GABRG3: variants seen among roughly 807,000 people sequenced by gnomAD.
The protein encoded by GABRG3 is gamma-aminobutyric acid type A receptor subunit gamma3, also known as gamma-aminobutyric acid receptor subunit gamma-3.
A neutral mutation model predicts 48.8 loss-of-function variants in GABRG3; 25 were observed. The ratio of observed to expected loss-of-function variants is 0.51; its 90% CI spans 0.37 to 0.72. The LOEUF (loss-of-function observed/expected upper bound fraction) is 0.72. Among genes scored for constraint, GABRG3 ranks in the 30% least tolerant of loss-of-function variants. The probability of loss-of-function intolerance (pLI) is 0.00; values close to 1 mark genes in which losing one functional copy is unlikely to be tolerated. For synonymous variants in GABRG3, 227 were observed against 217.6 expected, an observed-to-expected ratio of 1.04 and a Z score of -0.38; for missense variants, 394 against 577.9, an observed-to-expected ratio of 0.68 and a Z score of 3.26.
chr15:27,121,561 G>C (rs1214490018), intron 3 of GABRG3, among the ~76,000 whole-genome samples: 1 of 152,158 alleles, frequency 6.6e-6, no homozygotes, highest in Non-Finnish European at 1.5e-5. Context: ...GCCTGGGGCT[G>C]TTCAGCCAGC....
chr15:26,991,468 A>G (rs945531183), intron 2 of GABRG3, among the ~76,000 whole-genome samples: 3 of 152,020 alleles, frequency 2.0e-5, no homozygotes, highest in African/African-American at 7.2e-5. Flanking sequence ...GAAAACTGTC[A>G]TTGGTATTTT....
chr15:27,407,345 C>T (rs1213597019), intron 5 of GABRG3, among the ~76,000 whole-genome samples: 1 of 152,202 alleles, frequency 6.6e-6, no homozygotes, highest in Non-Finnish European at 1.5e-5. Context: ...GCAGCAGGAA[C>T]TCTCATGTAT....
chr15:27,227,855 A>G (rs955152349), intron 3 of GABRG3, among the ~76,000 whole-genome samples: 2 of 152,222 alleles, frequency 1.3e-5, no homozygotes, highest in Non-Finnish European at 2.9e-5. Flanking sequence ...CCTACCCAGC[A>G]TGTTTTTCTT....
intron 3 of GABRG3, among the ~76,000 whole-genome samples, chr15:27,194,443 G>C (rs1566961120): frequency 6.6e-6 from 1 of 152,124 alleles, no homozygotes; most frequent in Non-Finnish European, 1.5e-5. Context: ...CTCCTTAAGG[G>C]ATATTTCCTA....
chr15:27,326,732 A>T, intron 3 of GABRG3, 77 bp from the exon 4 acceptor site: 1 of 1,191,736 alleles, frequency 8.4e-7, no homozygotes, highest in Non-Finnish European at 1.2e-6. Context: ...AGAGAACACA[A>T]CGTTTGACAA....
chr15:27,215,903 A>T (rs1405192397), intron 3 of GABRG3, among the ~76,000 whole-genome samples: 1 of 152,206 alleles, frequency 6.6e-6, no homozygotes, highest in Admixed American at 6.5e-5. Flanking sequence ...ACCTATAATT[A>T]GGTGTGCAAT....
chr15:27,362,940 T>G (rs1895071015), intron 5 of GABRG3: 1 of 152,204 alleles, frequency 6.6e-6, no homozygotes, highest in Non-Finnish European at 1.5e-5. Flanking sequence ...AAAATAGCAA[T>G]TGTATTGATA....
At chr15:27,128,738 G>A (rs554656050) in intron 3 of GABRG3, among the ~76,000 whole-genome samples, 120 of 152,166 alleles carry the variant, frequency 7.9e-4, no homozygotes, top group Non-Finnish European at 1.2e-3. Context: ...TGACTTATTC[G>A]CAGAGCCCTC....
chr15:27,077,460 A>G (rs973266320), intron 3 of GABRG3, among the ~76,000 whole-genome samples: 1 of 151,738 alleles, frequency 6.6e-6, no homozygotes, highest in Non-Finnish European at 1.5e-5. Flanking sequence ...GTTCTGTTCT[A>G]TTCTGGGGTG....
Position 27,532,812 on chromosome 15 carries a change from C to G in GABRG3, c.1335C>G (p.Ser445=), listed in dbSNP as rs1029137628. The G allele has an allele frequency of 9.9e-6, 16 of 1,613,856 alleles. No individual in the cohort carries two copies. Among genetic ancestry groups the G allele is most frequent in the Non-Finnish European group, 1.4e-5 (16 of 1,179,894 alleles). ...ACATCTTGGAGCTGGACTCGTACTC[C>G]CGGGTCTTTTTCCCCACGTCCTTCC... The part of the protein sequence containing the change: ...HIDILELDSY[S]RVFFPTSFLL... Residue 445 remains serine, a synonymous_variant, in exon 10 of 10, where the codon TCC becomes TCG. Transcript: ENST00000615808.
chr15:27,490,595 C>G (rs561300721), intron 6 of GABRG3, among the ~76,000 whole-genome samples: 196 of 152,268 alleles, frequency 1.3e-3, no homozygotes, highest in African/African-American at 4.7e-3. Flanking sequence ...ATTAGATAAC[C>G]TGGGTGCGTT....
intron 3 of GABRG3, among the ~76,000 whole-genome samples, chr15:27,134,447 A>G (rs1429717967): frequency 6.6e-6 from 1 of 152,090 alleles, no homozygotes; most frequent in Non-Finnish European, 1.5e-5. Context: ...GTTCAAGATG[A>G]CCACCATGGT....
chr15:27,004,903 C>G (rs1269750277), intron 2 of GABRG3, among the ~76,000 whole-genome samples: 1 of 152,118 alleles, frequency 6.6e-6, no homozygotes, highest in Non-Finnish European at 1.5e-5. Context: ...CTGGGCTGGA[C>G]ATACCTAATA....
intron 3 of GABRG3, among the ~76,000 whole-genome samples, chr15:27,064,402 C>T (rs1187163353): frequency 1.3e-5 from 2 of 152,168 alleles, no homozygotes; most frequent in Non-Finnish European, 2.9e-5. Context: ...TGCAGCGTTT[C>T]TGACCCTTCT....
At position 27,301,682 on chromosome 15, in the gene GABRG3, AAAACAAAACAAAAAC is replaced by A. The variant is rs571814588; in HGVS notation, c.271-25119_271-25105del. ...TTTATTTAAAAATATAAAACAGTTA[AAAACAAAACAAAAAC>A]AAACAAAGAAGAAAACTCCCAAACT... On this transcript the variant is annotated intron_variant, in intron 3 of 9. Coordinates refer to ENST00000615808, the MANE Select transcript of GABRG3 (RefSeq NM_033223.5). Among the ~76,000 whole-genome samples the A allele has an allele frequency of 6.2e-4, 94 of 152,072 alleles. 1 individual carries two copies. The highest frequency in any genetic ancestry group is 2.2e-3 in the African/African-American group (91 of 41,448).
chr15:26,986,962 A>G (rs901868107), intron 2 of GABRG3, among the ~76,000 whole-genome samples: 12 of 152,198 alleles, frequency 7.9e-5, no homozygotes, highest in African/African-American at 2.7e-4. Context: ...TCTAAACGAA[A>G]TAATTAAACC....
At chr15:26,995,361 C>T (rs928989089) in intron 2 of GABRG3, among the ~76,000 whole-genome samples, 3 of 151,952 alleles carry the variant, frequency 2.0e-5, no homozygotes, top group Admixed American at 1.3e-4. Context: ...ATGTGTCTCC[C>T]CTAGACAACA....
In GABRG3 at chr15:27,533,095, T is replaced by TTTTA. The variant is rs1225355810; in HGVS notation, c.*215_*218dup. On this transcript the variant is annotated 3_prime_UTR_variant, in exon 10 of 10. Coordinates refer to ENST00000615808, the MANE Select transcript of GABRG3 (RefSeq NM_033223.5). The stretch of plus-strand genomic sequence containing the variant: ...ACATACACACACACAGCTAATTGAG[T>TTTTA]TTTAAAGTAATATTCTTGCTAATCC... The TTTTA allele has an allele frequency of 3.1e-5, 16 of 514,374 alleles. No homozygotes were observed. Among genetic ancestry groups the TTTTA allele is most frequent in the African/African-American group, 2.7e-4 (14 of 52,304 alleles). The allele number at this position is 514,374 out of a possible 1,614,324, so 31.9% of individuals were successfully genotyped here.
chr15:27,406,370 G>T (rs1175993874), intron 5 of GABRG3, among the ~76,000 whole-genome samples: 1 of 152,026 alleles, frequency 6.6e-6, no homozygotes, highest in Non-Finnish European at 1.5e-5. Flanking sequence ...GAATATGAAA[G>T]GGGGGAAATA....
Sources: gnomAD v4.1 joint callset for allele counts (sites outside exome capture counted in the v4.1 genomes callset) on GRCh38, gnomAD v4.1.1 for gene constraint, MANE v1.5 for transcripts, NCBI Gene and HGNC (gene_info 2026-07-23, HGNC 2026-07-21) for gene names.